Variants in TXNRD1 observed in about 807,000 individuals in gnomAD.
The protein encoded by TXNRD1 is thioredoxin reductase 1, cytoplasmic.
In TXNRD1, 57 loss-of-function variants were observed where a neutral mutation model predicts 80.3. That is an observed-to-expected ratio of 0.71 (90% CI 0.57 to 0.89). The LOEUF (loss-of-function observed/expected upper bound fraction) is 0.89, where lower values mean the gene tolerates loss of function less well. Among genes scored for constraint, TXNRD1 ranks in the 40% least tolerant of loss-of-function variants. TXNRD1 has a pLI of 0.00. For missense variants in TXNRD1, 730 were observed against 803.0 expected (o/e 0.91, Z 1.10); for synonymous variants, 291 against 285.2 (o/e 1.02, Z -0.20).
chr12:104,304,913 A>G (rs772369124), intron 4 of TXNRD1: 22 of 1,609,336 alleles, frequency 1.4e-5, no homozygotes, highest in African/African-American at 2.7e-5. Context: ...TTCTGAGGCT[A>G]TGATTACATA....
chr12:104,336,526 TG>T (rs1468749248), intron 15 of TXNRD1, among the ~76,000 whole-genome samples: 1 of 152,242 alleles, frequency 6.6e-6, no homozygotes, highest in East Asian at 1.9e-4. Flanking sequence ...GTACTTACAA[TG>T]TTTATTATCT....
chr12:104,333,319 G>A (rs1487054977), intron 14 of TXNRD1, among the ~76,000 whole-genome samples: 1 of 151,870 alleles, frequency 6.6e-6, no homozygotes, highest in Admixed American at 6.6e-5. Flanking sequence ...CAATATTTAA[G>A]TTTTTTAAAA....
At chr12:104,334,672 T>C (rs1054357226) in intron 15 of TXNRD1, among the ~76,000 whole-genome samples, 4 of 152,210 alleles carry the variant, frequency 2.6e-5, no homozygotes, top group African/African-American at 4.8e-5. Context: ...TACCCGGCTT[T>C]AGTTTTTAAT....
chr12:104,259,494 T>C (rs1459603005), intron 3 of TXNRD1, among the ~76,000 whole-genome samples: 1 of 149,542 alleles, frequency 6.7e-6, no homozygotes, highest in Non-Finnish European at 1.5e-5. Flanking sequence ...TCATTTCTTT[T>C]TTTTTTTTTT....
intron 2 of TXNRD1, among the ~76,000 whole-genome samples, chr12:104,254,644 A>AAAAAAAATATATATAT: frequency 1.1e-5 from 1 of 93,638 alleles, no homozygotes; most frequent in African/African-American, 5.2e-5. Flanking sequence ...AAAAAAAAAA[A>AAAAAAAATATATATAT]ATATATATAT....
intron 3 of TXNRD1, among the ~76,000 whole-genome samples, chr12:104,266,558 C>T (rs1383346595): frequency 1.4e-5 from 2 of 145,918 alleles, no homozygotes; most frequent in South Asian, 2.2e-4. Context: ...GTTGGCTGGG[C>T]GTGGCGGCTC....
At chr12:104,250,685 A>T (rs1455441338) in intron 1 of TXNRD1, among the ~76,000 whole-genome samples, 1 of 152,210 alleles carries the variant, frequency 6.6e-6, no homozygotes, top group African/African-American at 2.4e-5. Context: ...GATAAATACA[A>T]ATATCAACTA....
intron 3 of TXNRD1, among the ~76,000 whole-genome samples, chr12:104,287,613 T>A (rs1259912850): frequency 6.6e-6 from 1 of 152,194 alleles, no homozygotes; most frequent in Non-Finnish European, 1.5e-5. Flanking sequence ...GGGGTCTCCA[T>A]GTTTTTACAA....
intron 5 of TXNRD1, 57 bp from the exon 6 acceptor site, chr12:104,313,188 C>T: frequency 7.3e-7 from 1 of 1,376,322 alleles, no homozygotes; most frequent in Non-Finnish European, 1.0e-6. Flanking sequence ...TTTAACAGCC[C>T]ATTTCCAATC....
intron 3 of TXNRD1, among the ~76,000 whole-genome samples, chr12:104,270,126 C>A (rs1472780747): frequency 1.3e-5 from 2 of 152,208 alleles, no homozygotes; most frequent in Non-Finnish European, 2.9e-5. Context: ...TTCTTCCAAA[C>A]TCCTGTTAAT....
In TXNRD1 at chr12:104,288,353, T is replaced by C. The variant is rs561986106; in HGVS notation, c.305-578T>C. The stretch of plus-strand genomic sequence containing the variant: ...TGTATGTTCCACTGAGTTCACCCCT[T>C]TGTGAAATTTTACCATTAGTGCCTA... On this transcript the variant is annotated intron_variant, in intron 3 of 16. Coordinates refer to ENST00000525566, the MANE Select transcript of TXNRD1 (RefSeq NM_001093771.3). Among the ~76,000 whole-genome samples the C allele has an allele frequency of 7.2e-5, 11 of 152,332 alleles. No individual in the cohort carries two copies. In the East Asian group the frequency reaches 2.1e-3, roughly 29 times the overall value.
chr12:104,336,448 G>A (rs999617165), intron 15 of TXNRD1, among the ~76,000 whole-genome samples: 5 of 152,128 alleles, frequency 3.3e-5, no homozygotes, highest in African/African-American at 1.2e-4. Flanking sequence ...CACTATCCCT[G>A]GGGCGTGCTT....
At chr12:104,329,660 T>A (rs996278148) in intron 13 of TXNRD1, among the ~76,000 whole-genome samples, 52 of 151,470 alleles carry the variant, frequency 3.4e-4, no homozygotes, top group Admixed American at 1.2e-3. Flanking sequence ...AAAAAAAAAA[T>A]AAATAAATAA....
At chr12:104,246,847 A>G (rs1229749648) in intron 1 of TXNRD1, among the ~76,000 whole-genome samples, 2 of 151,886 alleles carry the variant, frequency 1.3e-5, no homozygotes, top group African/African-American at 2.4e-5. Context: ...AAAATCATAA[A>G]TGATTCTGTA....
chr12:104,346,081 C>T (rs879675112), intron 16 of TXNRD1: 14 of 971,518 alleles, frequency 1.4e-5, no homozygotes, highest in Middle Eastern at 4.1e-4. Context: ...GGTGTGATCT[C>T]AGTTCACTGC....
intron 7 of TXNRD1, among the ~76,000 whole-genome samples, chr12:104,318,327 G>A (rs753933772): frequency 7.9e-5 from 12 of 152,124 alleles, no homozygotes; most frequent in Admixed American, 3.3e-4. Context: ...AATTTTTTCC[G>A]TAAAAGGCCA....
chr12:104,339,122 A>AT lies in TXNRD1; in HGVS notation c.1747-8dup, dbSNP rs531076182. On this transcript the variant is annotated splice_polypyrimidine_tract_variant and intron_variant, in intron 15 of 16. Transcript: ENST00000525566. ...AAAATCAGCTTAATTGCATTATTGT[A>AT]TTTTTTTTTGCCTTAGGAACGTGTT... 0.011 allele frequency: 16,649 copies of AT among 1,558,574 alleles called. 57 individuals carry two copies. The highest frequency in any genetic ancestry group is 0.013 in the Non-Finnish European group (14,600 of 1,142,076).
chr12:104,274,795 G>T (rs977349663), intron 3 of TXNRD1, among the ~76,000 whole-genome samples: 3 of 152,022 alleles, frequency 2.0e-5, no homozygotes, highest in Non-Finnish European at 4.4e-5. Context: ...CTACTAATTA[G>T]TATGTAACTC....
At chr12:104,219,440 G>A (rs937140793) in intron 1 of TXNRD1, among the ~76,000 whole-genome samples, 1 of 152,154 alleles carries the variant, frequency 6.6e-6, no homozygotes, top group Non-Finnish European at 1.5e-5. Context: ...CAGGCACTGG[G>A]AACTCAGGGA....
Sources: allele counts gnomAD v4.1 joint callset (sites outside exome capture counted in the v4.1 genomes callset), GRCh38; gene constraint gnomAD v4.1.1; transcripts MANE v1.5; gene names NCBI Gene and HGNC (gene_info 2026-07-23, HGNC 2026-07-21).